The following ANAPC4 variants were observed in gnomAD, a reference collection of about 807,000 sequenced individuals.
ANAPC4 encodes anaphase-promoting complex subunit 4.
In ANAPC4, 63 loss-of-function variants were observed where a neutral mutation model predicts 119.8. The observed-to-expected ratio is 0.53, with a 90% CI of 0.43 to 0.65. The LOEUF (loss-of-function observed/expected upper bound fraction) is 0.65, where lower values mean the gene tolerates loss of function less well. ANAPC4 is among the 30% of genes least tolerant of loss of function. ANAPC4 has a pLI of 0.00. For missense variants in ANAPC4, 716 were observed against 945.1 expected (o/e 0.76, Z 3.18); for synonymous variants, 283 against 318.6 (o/e 0.89, Z 1.19).
At chr4:25,409,049 T>G (rs778334102) in intron 20 of ANAPC4, among the ~76,000 whole-genome samples, 1 of 152,202 alleles carries the variant, frequency 6.6e-6, no homozygotes, top group Non-Finnish European at 1.5e-5. Flanking sequence ...CTGAGACACT[T>G]ACAGCTTTCC....
intron 10 of ANAPC4, among the ~76,000 whole-genome samples, chr4:25,393,540 T>C (rs1395698451): frequency 1.3e-5 from 2 of 152,126 alleles, no homozygotes; most frequent in Non-Finnish European, 2.9e-5. Context: ...CGCACGCATA[T>C]AATACCAGCT....
rs776196325 is a variant in ANAPC4, at chr4:25,394,285, C to T, written c.877-25C>T. 11 of 1,560,030 alleles carry T rather than the reference C, an allele frequency of 7.1e-6. 1 individual carries two copies. The South Asian group carries it at 1.3e-4, about 19-fold the overall frequency. ...TATAATTTAAGAAATACATATATCA[C>T]AATTTTTTTTTCACTTTTTTCCAGG... On this transcript the variant is annotated intron_variant, in intron 11 of 28. Coordinates refer to ENST00000315368, the MANE Select transcript of ANAPC4 (RefSeq NM_013367.3).
intron 3 of ANAPC4, among the ~76,000 whole-genome samples, chr4:25,382,118 T>C (rs574585184): frequency 1.2e-5 from 1 of 82,600 alleles, no homozygotes; most frequent in East Asian, 2.4e-4. Flanking sequence ...CTTTTTCTTT[T>C]TTTTCCCCCC....
At chr4:25,378,692 A>C (rs184789575) in intron 2 of ANAPC4, among the ~76,000 whole-genome samples, 155 of 152,336 alleles carry the variant, frequency 1.0e-3, no homozygotes, top group African/African-American at 3.6e-3. Flanking sequence ...GAGAAAGAAG[A>C]GGTATGAAAA....
chr4:25,408,768 G>A (rs1723410362), intron 20 of ANAPC4, among the ~76,000 whole-genome samples: 1 of 151,646 alleles, frequency 6.6e-6, no homozygotes, highest in Non-Finnish European at 1.5e-5. Flanking sequence ...TAAAGTGCGG[G>A]GATTACAGGC....
At chr4:25,392,544 T>C in intron 10 of ANAPC4, 123 bp downstream of exon 10, 1 of 690,734 alleles carries the variant, frequency 1.4e-6, no homozygotes, top group Non-Finnish European at 2.5e-6. Context: ...GTCTGATAGA[T>C]GATCTTATAA....
intron 9 of ANAPC4, among the ~76,000 whole-genome samples, chr4:25,391,506 C>T (rs1258359766): frequency 6.6e-6 from 1 of 152,162 alleles, no homozygotes; most frequent in Admixed American, 6.5e-5. Flanking sequence ...TGATGCTAGA[C>T]AATCTGGCTG....
chr4:25,399,783 T>A (rs1330319180), intron 16 of ANAPC4, among the ~76,000 whole-genome samples: 1 of 152,142 alleles, frequency 6.6e-6, no homozygotes, highest in Non-Finnish European at 1.5e-5. Flanking sequence ...CACATTGGTG[T>A]TATTTAAAGC....
chr4:25,412,704 C>G (rs1723643661), intron 21 of ANAPC4, among the ~76,000 whole-genome samples: 1 of 151,476 alleles, frequency 6.6e-6, no homozygotes. Context: ...TGAGCTGAGA[C>G]TGCACCACTG....
At chr4:25,396,025 A>G (rs1160401215) in intron 14 of ANAPC4, among the ~76,000 whole-genome samples, 1 of 152,036 alleles carries the variant, frequency 6.6e-6, no homozygotes, top group Non-Finnish European at 1.5e-5. Flanking sequence ...CCAACTTGAC[A>G]TTTTGTCTCC....
At chr4:25,403,796 T>C (rs192858710) in intron 17 of ANAPC4, among the ~76,000 whole-genome samples, 51 of 152,356 alleles carry the variant, frequency 3.3e-4, no homozygotes, top group African/African-American at 1.1e-3. Flanking sequence ...CTATTGTGTA[T>C]TGATGCTCCA....
intron 4 of ANAPC4, among the ~76,000 whole-genome samples, chr4:25,383,890 C>T (rs12509787): frequency 0.43 from 65,817 of 151,970 alleles, 15,836 homozygotes; most frequent in Non-Finnish European, 0.53. Flanking sequence ...TGGTGGCAGC[C>T]GAAGGTTAAG....
At chr4:25,415,804 T>C (rs892540613) in intron 26 of ANAPC4, 1 of 321,978 alleles carries the variant, frequency 3.1e-6, no homozygotes, top group East Asian at 5.2e-5. Flanking sequence ...GAAAGTAATG[T>C]GGTTCCCATG....
At chr4:25,417,578 C>T (rs1723953821) in intron 27 of ANAPC4, 38 bp from the exon 28 acceptor site, 2 of 1,536,224 alleles carry the variant, frequency 1.3e-6, no homozygotes, top group Admixed American at 2.0e-5. Context: ...GGATAAGATC[C>T]CCTTTTCATT....
At chr4:25,396,928 G>T in intron 16 of ANAPC4, 29 bp downstream of exon 16, 1 of 1,590,854 alleles carries the variant, frequency 6.3e-7, no homozygotes, top group South Asian at 1.1e-5. Context: ...TGGAATCACT[G>T]ACCTAAGAAT....
rs1397187616 is a variant in ANAPC4, at chr4:25,383,347, G to C, written c.322G>C (p.Ala108Pro). The C allele has an allele frequency of 5.6e-6, 9 of 1,613,080 alleles. No homozygotes were observed. The African/African-American group carries it at 6.7e-5, about 12-fold the overall frequency. The change falls in exon 4 of 29, where the codon GCT (alanine) becomes CCT (proline). Residue 108 changes from alanine to proline, a missense_variant. Physicochemically the swap from Ala to Pro is conservative, Grantham distance 27 (BLOSUM62 -1). This residue lies in a region of ANAPC4 where 202 missense variants were observed against 293.5 expected (regional missense o/e 0.69). Coordinates refer to ENST00000315368, the MANE Select transcript of ANAPC4 (RefSeq NM_013367.3). ...PESLHSFSVEAPVSCMHWMEV... is the reference protein window; with the variant it reads ...PESLHSFSVEPPVSCMHWMEV... Reference sequence around the variant, plus strand: ...GAGCTTACACTCTTTTTCTGTGGAGGCTCCAGTTTCCTGTATGCATTGGAT... The same window carrying C: ...GAGCTTACACTCTTTTTCTGTGGAGCCTCCAGTTTCCTGTATGCATTGGAT...
At chr4:25,382,512 T>A (rs1423414692) in intron 3 of ANAPC4, among the ~76,000 whole-genome samples, 1 of 152,226 alleles carries the variant, frequency 6.6e-6, no homozygotes, top group African/African-American at 2.4e-5. Flanking sequence ...CACAAAAGTG[T>A]GCGTTAAAAT....
intron 4 of ANAPC4, among the ~76,000 whole-genome samples, chr4:25,386,070 C>A (rs566972739): frequency 1.3e-5 from 2 of 152,036 alleles, no homozygotes; most frequent in Admixed American, 6.5e-5. Flanking sequence ...TGCGCCACCA[C>A]GCCCAGCTAA....
intron 22 of ANAPC4, 48 bp downstream of exon 22, chr4:25,413,790 A>C: frequency 1.5e-6 from 2 of 1,377,264 alleles, no homozygotes; most frequent in Non-Finnish European, 2.0e-6. Context: ...AATAGTGTCT[A>C]CAGTATGTGG....
Sources: gnomAD v4.1 joint callset for allele counts (sites outside exome capture counted in the v4.1 genomes callset) on GRCh38, gnomAD v4.1.1 for gene constraint, gnomAD v4.1.1 regional missense constraint, MANE v1.5 for transcripts, NCBI Gene and HGNC (gene_info 2026-07-23, HGNC 2026-07-21) for gene names.